Variants in SCFD2 observed in about 807,000 individuals in gnomAD.
SCFD2 encodes sec1 family domain containing 2, also known as sec1 family domain-containing protein 2.
A neutral mutation model predicts 58.9 loss-of-function variants in SCFD2; 54 were observed. The observed-to-expected ratio is 0.92, with a 90% CI of 0.74 to 1.15. The LOEUF (loss-of-function observed/expected upper bound fraction) is 1.15. Among genes scored for constraint, SCFD2 ranks in the 50% most tolerant of loss-of-function variants. The probability of loss-of-function intolerance (pLI) is 0.00; values close to 1 mark genes in which losing one functional copy is unlikely to be tolerated. For synonymous variants in SCFD2, 321 were observed against 335.9 expected (o/e 0.96, Z 0.49); for missense variants, 805 against 836.6 (o/e 0.96, Z 0.47).
rs1302586638 is a variant in SCFD2 at position 53,237,565 on chromosome 4, G to A, written c.1311+36261C>T. 7.4e-3 allele frequency among the ~76,000 whole-genome samples: 651 copies of A among 87,808 alleles called. 1 individual carries two copies. Among genetic ancestry groups the A allele is most frequent in the Non-Finnish European group, 0.01 (449 of 42,768 alleles). 57.6% of individuals were successfully genotyped at this position (87,808 alleles called of 152,430 possible). On this transcript the variant is annotated intron_variant, in intron 4 of 8. Transcript: ENST00000401642. ...GATGGGGCGGCTGGCCGGGCAGAGG[G>A]GCTCCTCACTTCCCAGTAGGGGCGG...
At chr4:52,879,451 A>G (rs755338146) in intron 8 of SCFD2, among the ~76,000 whole-genome samples, 2 of 152,250 alleles carry the variant, frequency 1.3e-5, no homozygotes, top group African/African-American at 2.4e-5. Flanking sequence ...AGGCAGTTCT[A>G]TCAAGGAATG....
At chr4:53,345,184 T>A (rs1028024425) in intron 2 of SCFD2, among the ~76,000 whole-genome samples, 1 of 152,122 alleles carries the variant, frequency 6.6e-6, no homozygotes, top group South Asian at 2.1e-4. Flanking sequence ...GGGAGAAAAT[T>A]TTTGCAATCT....
At chr4:53,082,397 A>C (rs1216710150) in intron 5 of SCFD2, among the ~76,000 whole-genome samples, 1 of 152,102 alleles carries the variant, frequency 6.6e-6, no homozygotes, top group East Asian at 1.9e-4. Flanking sequence ...AGCCATGCTA[A>C]TGGTTATAAA....
At chr4:53,087,073 A>G (rs1724327187) in intron 5 of SCFD2, among the ~76,000 whole-genome samples, 1 of 152,188 alleles carries the variant, frequency 6.6e-6, no homozygotes, top group South Asian at 2.1e-4. Flanking sequence ...GGAGAGGAAT[A>G]TCCCATTTCC....
intron 3 of SCFD2, among the ~76,000 whole-genome samples, chr4:53,275,372 G>A (rs1395062903): frequency 6.6e-6 from 1 of 152,140 alleles, no homozygotes; most frequent in African/African-American, 2.4e-5. Flanking sequence ...GAATAAGTAG[G>A]AGGGTGAGTC....
At chr4:53,315,472 A>T (rs1732834203) in intron 2 of SCFD2, among the ~76,000 whole-genome samples, 1 of 152,110 alleles carries the variant, frequency 6.6e-6, no homozygotes, top group Non-Finnish European at 1.5e-5. Context: ...GTCAACTTTG[A>T]TATGTAGGTG....
intron 4 of SCFD2, among the ~76,000 whole-genome samples, chr4:53,216,285 T>C (rs1335269727): frequency 6.6e-6 from 1 of 152,200 alleles, no homozygotes; most frequent in Non-Finnish European, 1.5e-5. Context: ...CTGGACTTTT[T>C]TTGGTTCATA....
At chr4:53,309,535 G>C (rs998813731) in intron 3 of SCFD2, among the ~76,000 whole-genome samples, 1 of 152,126 alleles carries the variant, frequency 6.6e-6, no homozygotes, top group Admixed American at 6.5e-5. Flanking sequence ...GCGGTGCAGG[G>C]AGGAGGAGTC....
At chr4:53,274,201 A>C (rs1731262030) in intron 3 of SCFD2, among the ~76,000 whole-genome samples, 200 bp from the exon 4 acceptor site, 1 of 152,210 alleles carries the variant, frequency 6.6e-6, no homozygotes, top group Non-Finnish European at 1.5e-5. Context: ...TGCATTTTGC[A>C]AGTAAGGAAA....
At chr4:53,003,532 C>T (rs146835754) in intron 5 of SCFD2, among the ~76,000 whole-genome samples, 34 of 152,274 alleles carry the variant, frequency 2.2e-4, no homozygotes, top group African/African-American at 7.9e-4. Context: ...GTTTTATTTG[C>T]AGTTAGATTT....
intron 4 of SCFD2, among the ~76,000 whole-genome samples, chr4:53,225,021 C>A (rs1287567157): frequency 1.3e-5 from 2 of 152,040 alleles, no homozygotes; most frequent in African/African-American, 2.4e-5. Context: ...ACATGCATTC[C>A]ATCAATCTCA....
At chr4:52,961,579 T>G (rs554714960) in intron 5 of SCFD2, among the ~76,000 whole-genome samples, 48 of 152,290 alleles carry the variant, frequency 3.2e-4, no homozygotes, top group Non-Finnish European at 6.2e-4. Context: ...CCCTGGTTGA[T>G]GTTGAGCAGC....
rs142038744 is a variant in SCFD2, at chr4:53,246,280, T to C, written c.1311+27546A>G. Among the ~76,000 whole-genome samples the C allele has an allele frequency of 2.0e-3, 309 of 152,320 alleles. 1 individual carries two copies. The highest frequency in any genetic ancestry group is 7.1e-3 in the African/African-American group (296 of 41,568). The stretch of plus-strand genomic sequence containing the variant: ...AATGGGTATACTGCCCAAAGCAATG[T>C]ACAGATTCAATGCTATTTCTATCAA... On this transcript the variant is annotated intron_variant, in intron 4 of 8. Transcript: ENST00000401642.
At chr4:53,165,807 C>A (rs1016207541) in intron 4 of SCFD2, among the ~76,000 whole-genome samples, 4 of 152,182 alleles carry the variant, frequency 2.6e-5, no homozygotes, top group African/African-American at 9.7e-5. Context: ...AGCAGGAAAT[C>A]AAACTTTATT....
intron 4 of SCFD2, among the ~76,000 whole-genome samples, chr4:53,197,558 A>C (rs1460201090): frequency 6.6e-6 from 1 of 152,106 alleles, no homozygotes; most frequent in African/African-American, 2.4e-5. Context: ...TATAATATTA[A>C]GATGTCTTAA....
At chr4:53,285,481 T>C (rs1380183266) in intron 3 of SCFD2, among the ~76,000 whole-genome samples, 1 of 152,066 alleles carries the variant, frequency 6.6e-6, no homozygotes, top group Non-Finnish European at 1.5e-5. Context: ...TATTATCATG[T>C]TGAGGATCCC....
intron 5 of SCFD2, among the ~76,000 whole-genome samples, chr4:53,111,099 C>T (rs1329682167): frequency 2.0e-5 from 3 of 152,008 alleles, no homozygotes; most frequent in Non-Finnish European, 4.4e-5. Context: ...GAAAAACAAA[C>T]ACTGCATGTT....
At chr4:53,222,053 T>A (rs1291421017) in intron 4 of SCFD2, among the ~76,000 whole-genome samples, 1 of 152,240 alleles carries the variant, frequency 6.6e-6, no homozygotes, top group Non-Finnish European at 1.5e-5. Context: ...CCATTAGGCT[T>A]ATGACTAAAA....
chr4:53,234,173 C>A (rs551526526), intron 4 of SCFD2, among the ~76,000 whole-genome samples: 1 of 151,814 alleles, frequency 6.6e-6, no homozygotes, highest in African/African-American at 2.4e-5. Context: ...GTATGCACAT[C>A]CAAAAAAAAA....
Sources: allele counts gnomAD v4.1 joint callset (sites outside exome capture counted in the v4.1 genomes callset), GRCh38; gene constraint gnomAD v4.1.1; transcripts MANE v1.5; gene names NCBI Gene and HGNC (gene_info 2026-07-23, HGNC 2026-07-21).